The following FER variants were observed in gnomAD, a reference collection of about 807,000 sequenced individuals.
FER encodes FER tyrosine kinase, also known as tyrosine-protein kinase Fer.
In FER, 63 loss-of-function variants were observed where a neutral mutation model predicts 111.0. The observed-to-expected ratio is 0.57, with a 90% confidence interval of 0.46 to 0.70. FER has a LOEUF of 0.70. Ranked by LOEUF, FER falls within the 30% of genes least tolerant of loss-of-function variation. The pLI is 0.00. For synonymous variants in FER, 327 were observed against 313.9 expected, an observed-to-expected ratio of 1.04 and a Z score of -0.44; for missense variants, 914 against 954.0, an observed-to-expected ratio of 0.96 and a Z score of 0.55.
At chr5:109,061,184 A>G (rs914241214) in intron 16 of FER, among the ~76,000 whole-genome samples, 2 of 152,200 alleles carry the variant, frequency 1.3e-5, no homozygotes, top group Admixed American at 6.5e-5. Context: ...AATTTTAGCT[A>G]TAACCTTGAA....
rs1317211619 is a variant in FER, at chr5:108,955,034, GA to G, written c.1533+105del. 5 of 956,568 alleles carry G rather than the reference GA, an allele frequency of 5.2e-6. No homozygotes were observed. The African/African-American group carries it at 8.4e-5, about 16-fold the overall frequency. 59.3% of individuals were successfully genotyped at this position (956,568 alleles called of 1,614,324 possible). On this transcript the variant is annotated intron_variant, in intron 12 of 19. Transcript: ENST00000281092. ...TTTGTGATAAATGCCTGCAACACTT[GA>G]AATTTAGCACTTAATTTTTTTCTGA...
chr5:109,130,129 A>G (rs1040407098), intron 17 of FER, among the ~76,000 whole-genome samples: 7 of 151,916 alleles, frequency 4.6e-5, no homozygotes, highest in African/African-American at 1.4e-4. Context: ...TTATAGTTTT[A>G]CAAAACCTAT....
intron 16 of FER, among the ~76,000 whole-genome samples, chr5:109,089,127 A>G (rs1370293902): frequency 6.6e-6 from 1 of 152,200 alleles, no homozygotes; most frequent in East Asian, 1.9e-4. Flanking sequence ...TGGGCTGTGT[A>G]TAGGGTGGGT....
At chr5:109,104,428 G>A (rs778356578) in intron 17 of FER, among the ~76,000 whole-genome samples, 1 of 152,180 alleles carries the variant, frequency 6.6e-6, no homozygotes, top group Non-Finnish European at 1.5e-5. Context: ...TTCTTTGGGA[G>A]TAATATCAAG....
chr5:108,980,270 T>C (rs1761881826), intron 13 of FER, among the ~76,000 whole-genome samples: 1 of 152,066 alleles, frequency 6.6e-6, no homozygotes, highest in Admixed American at 6.6e-5. Flanking sequence ...ATGTATAAAT[T>C]TATACTGGTA....
At chr5:109,019,891 A>G (rs1465458168) in intron 13 of FER, among the ~76,000 whole-genome samples, 1 of 151,962 alleles carries the variant, frequency 6.6e-6, no homozygotes, top group Admixed American at 6.6e-5. Context: ...GTAACAATAT[A>G]AACATTATCA....
chr5:108,886,990 A>T (rs978778838), intron 9 of FER, among the ~76,000 whole-genome samples: 5 of 151,504 alleles, frequency 3.3e-5, no homozygotes, highest in Non-Finnish European at 7.4e-5. Flanking sequence ...ATTTCCTTTT[A>T]TTGTGTACAT....
At chr5:109,122,769 T>C (rs942906447) in intron 17 of FER, among the ~76,000 whole-genome samples, 3 of 152,212 alleles carry the variant, frequency 2.0e-5, no homozygotes, top group African/African-American at 7.2e-5. Flanking sequence ...CATACATATT[T>C]ATAATTGTTA....
intron 5 of FER, among the ~76,000 whole-genome samples, chr5:108,865,789 A>C (rs184381076): frequency 6.6e-6 from 1 of 152,182 alleles, no homozygotes; most frequent in Admixed American, 6.5e-5. Context: ...ATGAACAGAC[A>C]CTTCTCAAAA....
At chr5:108,811,268 A>G (rs1219999261) in intron 3 of FER, among the ~76,000 whole-genome samples, 1 of 151,674 alleles carries the variant, frequency 6.6e-6, no homozygotes, top group African/African-American at 2.4e-5. Flanking sequence ...CCAGATGCCT[A>G]GAGATCTGCC....
At chr5:108,803,962 C>T (rs373799853) in intron 3 of FER, among the ~76,000 whole-genome samples, 6 of 152,016 alleles carry the variant, frequency 3.9e-5, no homozygotes, top group East Asian at 1.9e-4. Context: ...TCAGACCGTC[C>T]GCACAGAATG....
chr5:109,001,184 G>C (rs918717976), intron 13 of FER, among the ~76,000 whole-genome samples: 4 of 152,076 alleles, frequency 2.6e-5, no homozygotes, highest in African/African-American at 9.7e-5. Context: ...AACAAAAAAA[G>C]AGAATTTTAG....
chr5:108,967,759 CAAAAA>C (rs774855414), intron 13 of FER, among the ~76,000 whole-genome samples: 3 of 34,470 alleles, frequency 8.7e-5, no homozygotes, highest in Non-Finnish European at 1.7e-4. Flanking sequence ...GACTCCGTCT[CAAAAA>C]AAAAAAAAAA....
intron 13 of FER, among the ~76,000 whole-genome samples, chr5:108,978,673 C>G (rs1761676244): frequency 6.6e-6 from 1 of 152,138 alleles, no homozygotes; most frequent in Admixed American, 6.5e-5. Flanking sequence ...AAAAGGTACT[C>G]AATAAATATG....
intron 2 of FER, among the ~76,000 whole-genome samples, chr5:108,794,526 A>ACCCCC (rs138716410): frequency 1.5e-3 from 155 of 106,332 alleles, no homozygotes; most frequent in Non-Finnish European, 1.6e-3. Context: ...CCCCCTCCGC[A>ACCCCC]CCCCCCCCCC....
intron 13 of FER, among the ~76,000 whole-genome samples, chr5:109,016,074 G>C (rs1473216535): frequency 6.6e-6 from 1 of 151,986 alleles, no homozygotes; most frequent in Non-Finnish European, 1.5e-5. Flanking sequence ...AGCTGAGAAT[G>C]CCCTTTTCTA....
rs868195117 is a variant in FER, at chr5:109,190,729, G to A, written c.*3154G>A. On this transcript the variant is annotated 3_prime_UTR_variant, in exon 20 of 20. Transcript: ENST00000281092. ...AGAGGTCTCCAGTGAAAGGTCTCAT[G>A]TAATTGTTTCTCTTTTATCTCCCAA... 1.3e-5 allele frequency: 2 copies of A among 152,140 alleles called. No individual in the cohort carries two copies. Among genetic ancestry groups the A allele is most frequent in the Admixed American group, 6.5e-5 (1 of 15,272 alleles). 9.4% of individuals were successfully genotyped at this position (152,140 alleles called of 1,614,324 possible). A position where few individuals can be genotyped will look rare whatever the true frequency, so the allele number is the denominator to read the frequency against.
chr5:108,813,552 T>C (rs1757977593), intron 3 of FER, among the ~76,000 whole-genome samples: 1 of 152,210 alleles, frequency 6.6e-6, no homozygotes, highest in South Asian at 2.1e-4. Flanking sequence ...TCTTACAGTT[T>C]ACTATGCTGT....
rs142022030 is a variant in FER, at chr5:108,986,957, A to AT, written c.1656+27620dup. Among the ~76,000 whole-genome samples the AT allele has an allele frequency of 1.9e-3, 275 of 147,236 alleles. 1 individual carries two copies. The highest frequency in any genetic ancestry group is 3.2e-3 in the African/African-American group (127 of 40,124). On this transcript the variant is annotated intron_variant, in intron 13 of 19. Coordinates refer to ENST00000281092, the MANE Select transcript of FER (RefSeq NM_005246.4). The stretch of plus-strand genomic sequence containing the variant: ...TTTTTGCTTCCATGTGAGTTTTAGG[A>AT]TTTTTTTTTTCTAGTTCTGTCAAGA...
Sources: gnomAD v4.1 joint callset for allele counts (sites outside exome capture counted in the v4.1 genomes callset) on GRCh38, gnomAD v4.1.1 for gene constraint, MANE v1.5 for transcripts, NCBI Gene and HGNC (gene_info 2026-07-23, HGNC 2026-07-21) for gene names.